The following CABP1 variants were observed in gnomAD, a reference collection of about 807,000 sequenced individuals.
CABP1 encodes calcium binding protein 1.
In CABP1, 17 loss-of-function variants were observed where a neutral mutation model predicts 34.3. That is an observed-to-expected ratio of 0.50 (90% confidence interval 0.34 to 0.74). The LOEUF is 0.74. CABP1 is among the 30% of genes least tolerant of loss of function. CABP1 has a pLI of 0.01. For missense variants in CABP1, 373 were observed against 511.1 expected, an observed-to-expected ratio of 0.73 and a Z score of 2.61; for synonymous variants, 198 against 229.2, an observed-to-expected ratio of 0.86 and a Z score of 1.23.
rs1880668817 is a variant in CABP1 at position 120,661,887 on chromosome 12, T to C, written c.1087+669T>C. Reference sequence around the variant, plus strand: ...ATGCATTTATCTGTCCATTCGTGCATCTATTCATTCTTCTCTACATTCACC... The same window carrying C: ...ATGCATTTATCTGTCCATTCGTGCACCTATTCATTCTTCTCTACATTCACC... On this transcript the variant is annotated intron_variant, in intron 5 of 5. Coordinates refer to ENST00000316803, the MANE Select transcript of CABP1 (RefSeq NM_001033677.2). This position sits in a 1 kb window ranked among gnomAD's most constrained non-coding sequence, Gnocchi z 5.1. 1 of 152,838 alleles carries C rather than the reference T, an allele frequency of 6.5e-6. No individual in the cohort carries two copies. The highest frequency in any genetic ancestry group is 2.4e-5 in the African/African-American group (1 of 41,464). 9.5% of individuals were successfully genotyped at this position (152,838 alleles called of 1,614,324 possible).
At chr12:120,650,304 T>G in intron 1 of CABP1, 1 of 381,174 alleles carries the variant, frequency 2.6e-6, no homozygotes, top group Non-Finnish European at 4.7e-6. Flanking sequence ...CTTCTCCAGC[T>G]TGGTTCCCCT....
At chr12:120,672,356 G>A in the CABP1 span, among the ~76,000 whole-genome samples, 1 of 152,144 alleles carries the variant, frequency 6.6e-6, no homozygotes, top group South Asian at 2.1e-4. Context: ...AGATGGGCCG[G>A]GCATGGTGGC....
Position 120,641,018 on chromosome 12 carries a change from G to T in CABP1, c.333G>T (p.Ser111=). 8.5e-7 allele frequency: 1 copy of T among 1,171,002 alleles called. No individual in the cohort carries two copies. The highest frequency in any genetic ancestry group is 1.1e-6 in the Non-Finnish European group (1 of 949,152). 72.5% of individuals were successfully genotyped at this position (1,171,002 alleles called of 1,614,324 possible). ...LPGSCPATPQ[S]SGDPSSRRPL... ...GCTCCTGCCCGGCGACGCCGCAGTCGTCCGGGGACCCCAGTTCGCGGAGGC... is the reference window on the plus strand; with the variant it reads ...GCTCCTGCCCGGCGACGCCGCAGTCTTCCGGGGACCCCAGTTCGCGGAGGC... The change falls in exon 1 of 6, where the codon TCG becomes TCT. Residue 111 remains serine (S), a synonymous_variant. Coordinates refer to ENST00000316803, the MANE Select transcript of CABP1 (RefSeq NM_001033677.2). The surrounding 1 kb of genome is among the most constrained non-coding windows in gnomAD (Gnocchi z 6.7).
At chr12:120,651,786 T>C (rs1005850604) in intron 1 of CABP1, among the ~76,000 whole-genome samples, 1 of 152,214 alleles carries the variant, frequency 6.6e-6, no homozygotes, top group Non-Finnish European at 1.5e-5. Flanking sequence ...TGCTGTTCCT[T>C]AGATCCTTCC....
downstream of CABP1, among the ~76,000 whole-genome samples, chr12:120,669,765 AAG>A (rs914609686): frequency 3.3e-5 from 5 of 151,864 alleles, no homozygotes; most frequent in African/African-American, 1.2e-4. Context: ...AAAAAAAAAA[AAG>A]AATCATAGAT....
chr12:120,651,957 C>T (rs980881054), intron 1 of CABP1, among the ~76,000 whole-genome samples: 7 of 152,216 alleles, frequency 4.6e-5, no homozygotes, highest in African/African-American at 9.7e-5. Flanking sequence ...AGGAAGTGAA[C>T]TTAAGAACAA....
intron 5 of CABP1, among the ~76,000 whole-genome samples, chr12:120,665,888 C>T (rs540674193): frequency 2.0e-5 from 3 of 151,576 alleles, no homozygotes; most frequent in East Asian, 1.9e-4. Context: ...GACGTCGTGG[C>T]GGGCTCCTGG....
downstream of CABP1, among the ~76,000 whole-genome samples, chr12:120,669,991 AC>A (rs2137385004): frequency 6.8e-6 from 1 of 147,566 alleles, no homozygotes; most frequent in East Asian, 2.4e-4. Context: ...CCGCCAGGAA[AC>A]GTTTTTTTTT....
chr12:120,675,204 C>T, the CABP1 span, among the ~76,000 whole-genome samples: 3 of 151,956 alleles, frequency 2.0e-5, no homozygotes, highest in African/African-American at 4.8e-5. Context: ...AGGTGTGCAC[C>T]GCCACGCCCA....
At chr12:120,656,519 A>G (rs1333128377) in intron 1 of CABP1, among the ~76,000 whole-genome samples, 2 of 152,192 alleles carry the variant, frequency 1.3e-5, no homozygotes, top group Non-Finnish European at 2.9e-5. Context: ...CACTGTGCCT[A>G]GTGTGTTGGC....
downstream of CABP1, among the ~76,000 whole-genome samples, chr12:120,668,192 CAGATAT>C (rs1881113568): frequency 6.6e-6 from 1 of 152,070 alleles, no homozygotes. Context: ...TGCGGACAGA[CAGATAT>C]AGACACAGCT....
the CABP1 span, among the ~76,000 whole-genome samples, chr12:120,680,482 C>T: frequency 6.6e-6 from 1 of 152,100 alleles, no homozygotes; most frequent in Non-Finnish European, 1.5e-5. Context: ...GCAAACCAGC[C>T]CCAGCTGAAA....
the CABP1 span, among the ~76,000 whole-genome samples, chr12:120,677,844 T>A: frequency 6.6e-6 from 1 of 152,210 alleles, no homozygotes; most frequent in South Asian, 2.1e-4. Context: ...ACTTGTTTTT[T>A]CTGTTCTCTG....
chr12:120,659,868 T>C lies in CABP1; in HGVS notation c.655-10T>C. 2 of 1,613,212 alleles carry C rather than the reference T, an allele frequency of 1.2e-6. No individual in the cohort carries two copies. The highest frequency in any genetic ancestry group is 1.7e-6 in the Non-Finnish European group (2 of 1,179,800). On this transcript the variant is annotated splice_polypyrimidine_tract_variant and intron_variant, in intron 1 of 5. Coordinates refer to ENST00000316803, the MANE Select transcript of CABP1 (RefSeq NM_001033677.2). ...TGTCGCGGCTAATAGGACATGTTCT[T>C]TTGTTTCAGGATAGATCACTGCGAC...
intron 1 of CABP1, among the ~76,000 whole-genome samples, chr12:120,658,133 G>A (rs1354699967): frequency 8.9e-6 from 1 of 112,636 alleles, no homozygotes; most frequent in African/African-American, 3.6e-5. Context: ...TCACTCTCTT[G>A]TCCAGGTGGA....
intron 1 of CABP1, among the ~76,000 whole-genome samples, chr12:120,642,251 G>A (rs182965799): frequency 1.4e-4 from 22 of 152,252 alleles, no homozygotes; most frequent in African/African-American, 5.3e-4. Context: ...CCTCCGAGAG[G>A]TGTCATGCAG....
chr12:120,654,672 TG>T (rs1880057097), intron 1 of CABP1, among the ~76,000 whole-genome samples: 1 of 151,048 alleles, frequency 6.6e-6, no homozygotes, highest in Non-Finnish European at 1.5e-5. Context: ...GAAGGCAGAG[TG>T]CAGGCCGAAG....
rs190134251 is a variant in CABP1 at position 120,646,245 on chromosome 12, C to T, written c.654+4906C>T. On this transcript the variant is annotated intron_variant, in intron 1 of 5. Transcript: ENST00000316803. The stretch of plus-strand genomic sequence containing the variant: ...CAGCTTTCCCTGAGTGTCTTAGTAC[C>T]GGGCTGTCATCCAAGTTCAAAGGCT... Among the ~76,000 whole-genome samples, 71 of 152,286 alleles carry T rather than the reference C, an allele frequency of 4.7e-4. No individual in the cohort carries two copies. In the East Asian group the frequency reaches 0.013, roughly 27 times the overall value.
chr12:120,645,007 G>A (rs926914008), intron 1 of CABP1, among the ~76,000 whole-genome samples: 31 of 152,174 alleles, frequency 2.0e-4, no homozygotes, highest in African/African-American at 6.8e-4. Flanking sequence ...GTTTCACCAC[G>A]TTGGCCAGGC....
Sources: gnomAD v4.1 joint callset for allele counts (sites outside exome capture counted in the v4.1 genomes callset) on GRCh38, gnomAD v4.1.1 for gene constraint, Gnocchi (gnomAD v3.1) non-coding constraint, MANE v1.5 for transcripts, NCBI Gene and HGNC (gene_info 2026-07-23, HGNC 2026-07-21) for gene names.